CHCHD3: variants seen among roughly 807,000 people sequenced by gnomAD.
The protein encoded by CHCHD3 is coiled-coil-helix-coiled-coil-helix domain containing 3.
In CHCHD3, 20 loss-of-function variants were observed where a neutral mutation model predicts 38.2. That is an observed-to-expected ratio of 0.52 (90% CI 0.37 to 0.76). The LOEUF is 0.76. CHCHD3 is among the 30% of genes least tolerant of loss of function. The pLI, the probability that CHCHD3 is intolerant of heterozygous loss-of-function variation, is 0.00. For synonymous variants in CHCHD3, 82 were observed against 100.0 expected, an observed-to-expected ratio of 0.82 and a Z score of 1.07; for missense variants, 245 against 279.2, an observed-to-expected ratio of 0.88 and a Z score of 0.87.
intron 5 of CHCHD3, among the ~76,000 whole-genome samples, chr7:132,844,613 A>T (rs1467235356): frequency 6.6e-6 from 1 of 152,244 alleles, no homozygotes; most frequent in South Asian, 2.1e-4. Context: ...TAAAACAGAA[A>T]GTCTTATTGT....
chr7:132,952,226 C>T (rs956676539), intron 4 of CHCHD3, among the ~76,000 whole-genome samples: 8 of 152,154 alleles, frequency 5.3e-5, no homozygotes, highest in East Asian at 1.9e-4. Context: ...TTTTTCACAT[C>T]GAGGGTTAAG....
chr7:132,949,925 A>G (rs555203343), intron 4 of CHCHD3, among the ~76,000 whole-genome samples: 2 of 152,306 alleles, frequency 1.3e-5, no homozygotes, highest in East Asian at 1.9e-4. Context: ...GGCCCTTCCA[A>G]TGGTCAGCTG....
At chr7:133,011,182 T>C (rs1207742025) in intron 3 of CHCHD3, among the ~76,000 whole-genome samples, 1 of 152,108 alleles carries the variant, frequency 6.6e-6, no homozygotes, top group Non-Finnish European at 1.5e-5. Context: ...GATCCAAGTA[T>C]CAGAGGGTGT....
At chr7:132,812,983 C>G (rs535897295) in intron 6 of CHCHD3, among the ~76,000 whole-genome samples, 9 of 141,344 alleles carry the variant, frequency 6.4e-5, no homozygotes, top group African/African-American at 2.4e-4. Flanking sequence ...GCCTCACAGT[C>G]GATTCCCATG....
intron 2 of CHCHD3, among the ~76,000 whole-genome samples, chr7:133,062,096 AT>A (rs554037390): frequency 0.032 from 4,687 of 146,472 alleles, 173 homozygotes; most frequent in African/African-American, 0.096. Context: ...TTACTTTTAA[AT>A]TTTTTTTTTT....
At chr7:132,923,380 G>A (rs931120666) in intron 4 of CHCHD3, among the ~76,000 whole-genome samples, 5 of 152,036 alleles carry the variant, frequency 3.3e-5, no homozygotes, top group Non-Finnish European at 5.9e-5. Flanking sequence ...CTTCAAACTC[G>A]CCTTTCCATA....
intron 4 of CHCHD3, among the ~76,000 whole-genome samples, chr7:132,888,077 TAAAAA>T (rs2117179376): frequency 6.6e-6 from 1 of 150,860 alleles, no homozygotes; most frequent in South Asian, 2.1e-4. Context: ...GTATACCACT[TAAAAA>T]AGAAAAAAGA....
At chr7:132,859,575 A>T (rs1024989293) in intron 5 of CHCHD3, among the ~76,000 whole-genome samples, 1 of 152,222 alleles carries the variant, frequency 6.6e-6, no homozygotes, top group Non-Finnish European at 1.5e-5. Flanking sequence ...GATTAGCCAG[A>T]GACTTTGTTT....
chr7:132,891,526 G>C (rs189113706), intron 4 of CHCHD3, among the ~76,000 whole-genome samples: 1 of 152,168 alleles, frequency 6.6e-6, no homozygotes, highest in African/African-American at 2.4e-5. Context: ...CAAGCACCCA[G>C]GATTAGATCA....
chr7:133,047,278 CAA>C (rs1200748678), intron 2 of CHCHD3, among the ~76,000 whole-genome samples: 1 of 151,952 alleles, frequency 6.6e-6, no homozygotes, highest in Non-Finnish European at 1.5e-5. Flanking sequence ...CCCAACTCTA[CAA>C]AAAAGAGTAC....
intron 5 of CHCHD3, among the ~76,000 whole-genome samples, chr7:132,846,879 A>G (rs1018826245): frequency 6.6e-6 from 1 of 152,258 alleles, no homozygotes; most frequent in African/African-American, 2.4e-5. Context: ...AAGGAAATGT[A>G]TATCACTTAA....
At chr7:132,892,318 C>T (rs1254416761) in intron 4 of CHCHD3, among the ~76,000 whole-genome samples, 1 of 152,206 alleles carries the variant, frequency 6.6e-6, no homozygotes, top group African/African-American at 2.4e-5. Context: ...GCAAAGGTGA[C>T]ACTTGCTATG....
chr7:133,072,516 G>A (rs1335545458), intron 1 of CHCHD3, among the ~76,000 whole-genome samples: 1 of 152,044 alleles, frequency 6.6e-6, no homozygotes, highest in Admixed American at 6.6e-5. Context: ...AGCAGAGGAA[G>A]GATTCAAACC....
At chr7:132,953,028 T>G (rs747894226) in intron 4 of CHCHD3, among the ~76,000 whole-genome samples, 1 of 152,220 alleles carries the variant, frequency 6.6e-6, no homozygotes, top group Non-Finnish European at 1.5e-5. Context: ...AGCTGCCTAC[T>G]CTGGCCAGTG....
At chr7:132,884,603 T>A (rs1015519461) in intron 5 of CHCHD3, among the ~76,000 whole-genome samples, 4 of 152,218 alleles carry the variant, frequency 2.6e-5, no homozygotes, top group Non-Finnish European at 5.9e-5. Context: ...GTGTATTTCT[T>A]ATTTTTTCCT....
intron 2 of CHCHD3, among the ~76,000 whole-genome samples, chr7:133,027,289 T>C (rs1562941546): frequency 6.6e-6 from 1 of 151,512 alleles, no homozygotes; most frequent in Non-Finnish European, 1.5e-5. Context: ...TCTATAAATA[T>C]ACTATAAACC....
chr7:132,885,685 G>A lies in CHCHD3; in HGVS notation c.430C>T (p.Gln144Ter). Residue 144 changes from glutamine to a stop codon, truncating the protein, a stop_gained, in exon 5 of 8, where the codon CAG becomes TAG. Coordinates refer to ENST00000262570, the MANE Select transcript of CHCHD3 (RefSeq NM_017812.4). LOFTEE classifies it high-confidence loss of function. ...ACCCTCTCCTCCAGTCTAGCCAGCT[G>A]TTCTTTGTAGAATGCATCCTGCTTC... is the stretch of plus-strand genomic sequence containing the variant. The part of the protein sequence containing the change: ...LKKQDAFYKE[Q>*]LARLEERSSE... The A allele has an allele frequency of 1.2e-6, 2 of 1,607,860 alleles. No individual in the cohort carries two copies. The highest frequency in any genetic ancestry group is 1.7e-6 in the Non-Finnish European group (2 of 1,177,820).
At chr7:132,895,990 T>C (rs1012245249) in intron 4 of CHCHD3, among the ~76,000 whole-genome samples, 1 of 152,240 alleles carries the variant, frequency 6.6e-6, no homozygotes, top group Non-Finnish European at 1.5e-5. Context: ...ACGGGTCATA[T>C]GAATCATTTT....
chr7:133,007,352 A>C (rs2117403109), intron 3 of CHCHD3, among the ~76,000 whole-genome samples: 1 of 152,336 alleles, frequency 6.6e-6, no homozygotes, highest in South Asian at 2.1e-4. Context: ...CTTTTTGGAC[A>C]TATACCATAA....
Sources: allele counts gnomAD v4.1 joint callset (sites outside exome capture counted in the v4.1 genomes callset), GRCh38; gene constraint gnomAD v4.1.1; transcripts MANE v1.5; gene names NCBI Gene and HGNC (gene_info 2026-07-23, HGNC 2026-07-21).